CCSER1: variants seen among roughly 807,000 people sequenced by gnomAD.
The protein encoded by CCSER1 is coiled-coil serine rich protein 1.
CCSER1 carries 41 observed loss-of-function variants against 82.0 expected under a neutral mutation model. The ratio of observed to expected loss-of-function variants is 0.50; its 90% confidence interval spans 0.39 to 0.65. CCSER1 has a LOEUF of 0.65. Among genes scored for constraint, CCSER1 ranks in the 30% least tolerant of loss-of-function variants. CCSER1 has a pLI of 0.00. For synonymous variants in CCSER1, 414 were observed against 383.9 expected, an observed-to-expected ratio of 1.08 and a Z score of -0.92; for missense variants, 1,119 against 1,064.2, an observed-to-expected ratio of 1.05 and a Z score of -0.72.
Position 91,150,394 on chromosome 4 carries a change from T to A in CCSER1, c.2217+64400T>A, listed in dbSNP as rs1730046687. ...GAGACTTTGGGCTGGGATGATGGGGTTTTCTAAATATACAATCATGTCATC... is the reference window on the plus strand; with the variant it reads ...GAGACTTTGGGCTGGGATGATGGGGATTTCTAAATATACAATCATGTCATC... On this transcript the variant is annotated intron_variant, in intron 10 of 10. Coordinates refer to ENST00000509176, the MANE Select transcript of CCSER1 (RefSeq NM_001145065.2). Among the ~76,000 whole-genome samples the A allele has an allele frequency of 2.0e-5, 3 of 152,094 alleles. No individual in the cohort carries two copies. In the South Asian group the frequency reaches 6.2e-4, roughly 32 times the overall value.
At chr4:91,350,591 T>C (rs1385290521) in intron 10 of CCSER1, among the ~76,000 whole-genome samples, 3 of 152,118 alleles carry the variant, frequency 2.0e-5, no homozygotes, top group Non-Finnish European at 2.9e-5. Context: ...TTGAAGAGAT[T>C]AATTTGTTTA....
At chr4:90,329,150 A>G (rs1270394793) in intron 3 of CCSER1, among the ~76,000 whole-genome samples, 1 of 143,842 alleles carries the variant, frequency 7.0e-6, no homozygotes, top group Non-Finnish European at 1.6e-5. Context: ...TGAACAAAGT[A>G]GGAAAACTTA....
chr4:90,164,697 G>A lies in CCSER1; in HGVS notation c.-42+36866G>A, dbSNP rs567738119. 1.1e-4 allele frequency among the ~76,000 whole-genome samples: 17 copies of A among 152,220 alleles called. 1 individual carries two copies. The South Asian group carries it at 3.5e-3, about 32-fold the overall frequency. On this transcript the variant is annotated intron_variant, in intron 1 of 10. Transcript: ENST00000509176. ...CAGAAAGGGAGAGAAAAGAGAAATT[G>A]TGAAGCAGCTACTGTGTTGAATGAG... is the stretch of plus-strand genomic sequence containing the variant.
At chr4:90,450,017 A>G (rs1438315906) in intron 4 of CCSER1, among the ~76,000 whole-genome samples, 1 of 152,214 alleles carries the variant, frequency 6.6e-6, no homozygotes, top group East Asian at 1.9e-4. Flanking sequence ...CACTGTTGCT[A>G]TCAATCCCCC....
At position 91,524,863 on chromosome 4, in the gene CCSER1, T is replaced by C. The variant is rs142155698; in HGVS notation, c.2218-73709T>C. ...TAATAAGAATAACAAAGAGATCTGT[T>C]CTTATCACATAGGACATAGTATTTC... On this transcript the variant is annotated intron_variant, in intron 10 of 10. Transcript: ENST00000509176. Among the ~76,000 whole-genome samples the C allele has an allele frequency of 5.9e-5, 9 of 152,288 alleles. No homozygotes were observed. In the East Asian group the frequency reaches 1.5e-3, roughly 26 times the overall value.
At chr4:90,451,327 C>T (rs1427989119) in intron 4 of CCSER1, among the ~76,000 whole-genome samples, 2 of 152,104 alleles carry the variant, frequency 1.3e-5, no homozygotes, top group African/African-American at 4.8e-5. Context: ...GTACTGGATG[C>T]CCCTTGTCTT....
In CCSER1 at chr4:91,442,487, A is replaced by G. The variant is rs1215016187; in HGVS notation, c.2218-156085A>G. 4.4e-5 allele frequency among the ~76,000 whole-genome samples: 6 copies of G among 135,884 alleles called. No homozygotes were observed. In the East Asian group the frequency reaches 1.3e-3, roughly 29 times the overall value. The allele number at this position is 135,884 out of a possible 152,430, so 89.1% of individuals were successfully genotyped here. The stretch of plus-strand genomic sequence containing the variant: ...AAAATTAATTCAAGATGGATTAAAG[A>G]CTTAAACGTTAGACCTAAAACCATA... On this transcript the variant is annotated intron_variant, in intron 10 of 10. Coordinates refer to ENST00000509176, the MANE Select transcript of CCSER1 (RefSeq NM_001145065.2).
chr4:91,583,603 T>C (rs540258124), intron 10 of CCSER1, among the ~76,000 whole-genome samples: 4 of 151,566 alleles, frequency 2.6e-5, no homozygotes, highest in Non-Finnish European at 5.9e-5. Context: ...TATTGGGATA[T>C]GCAATAATTG....
chr4:90,776,447 G>C (rs1365251769), intron 7 of CCSER1, among the ~76,000 whole-genome samples: 1 of 152,126 alleles, frequency 6.6e-6, no homozygotes, highest in Non-Finnish European at 1.5e-5. Flanking sequence ...ACCTTGTTTT[G>C]AACACAAATC....
chr4:90,456,696 A>C (rs1478520486), intron 4 of CCSER1, among the ~76,000 whole-genome samples: 1 of 152,250 alleles, frequency 6.6e-6, no homozygotes, highest in East Asian at 1.9e-4. Flanking sequence ...TAAGTCCAGC[A>C]GCTATGCTAG....
At chr4:91,002,658 C>A (rs1294819347) in intron 9 of CCSER1, among the ~76,000 whole-genome samples, 1 of 151,900 alleles carries the variant, frequency 6.6e-6, no homozygotes, top group Non-Finnish European at 1.5e-5. Flanking sequence ...CTTCTTGTAT[C>A]TTTTTTAAAA....
chr4:90,909,821 C>A (rs527774801), intron 8 of CCSER1, among the ~76,000 whole-genome samples: 31 of 152,160 alleles, frequency 2.0e-4, no homozygotes, highest in African/African-American at 7.2e-4. Context: ...GAAACTTTGC[C>A]AGTGTTTAAA....
intron 7 of CCSER1, among the ~76,000 whole-genome samples, chr4:90,782,198 A>G (rs1261682342): frequency 6.6e-6 from 1 of 152,180 alleles, no homozygotes; most frequent in Admixed American, 6.5e-5. Context: ...TGGGTCATAG[A>G]TGGAATATAT....
At chr4:90,477,879 A>G (rs1457123759) in intron 5 of CCSER1, among the ~76,000 whole-genome samples, 20 of 152,122 alleles carry the variant, frequency 1.3e-4, no homozygotes. Flanking sequence ...GAGCATATTT[A>G]CTGTTAATAT....
chr4:90,935,258 A>G lies in CCSER1; in HGVS notation c.2172+11811A>G, dbSNP rs183284739. ...CATGAGAGAGATCTTTCATTAATAG[A>G]TTAATGCCCACCCTGGGGGTGAGTG... is the stretch of plus-strand genomic sequence containing the variant. On this transcript the variant is annotated intron_variant, in intron 9 of 10. Coordinates refer to ENST00000509176, the MANE Select transcript of CCSER1 (RefSeq NM_001145065.2). Among the ~76,000 whole-genome samples the G allele has an allele frequency of 6.6e-4, 101 of 152,028 alleles. 1 individual carries two copies. Among genetic ancestry groups the G allele is most frequent in the African/African-American group, 2.2e-3 (93 of 41,430 alleles).
chr4:91,440,014 T>A (rs879969211), intron 10 of CCSER1, among the ~76,000 whole-genome samples: 1 of 151,744 alleles, frequency 6.6e-6, no homozygotes, highest in East Asian at 1.9e-4. Context: ...GCAATAATAA[T>A]GGGAGATTTT....
chr4:91,534,297 C>G (rs1271504823), intron 10 of CCSER1, among the ~76,000 whole-genome samples: 4 of 151,966 alleles, frequency 2.6e-5, no homozygotes. Context: ...ATTGATTTTG[C>G]TAATTAAATT....
intron 6 of CCSER1, among the ~76,000 whole-genome samples, chr4:90,637,254 G>T (rs1222464199): frequency 1.3e-5 from 2 of 152,120 alleles, no homozygotes; most frequent in African/African-American, 4.8e-5. Flanking sequence ...TTCACTGCTG[G>T]TGCTCAAGAG....
At chr4:90,324,104 A>T (rs1486940877) in intron 3 of CCSER1, among the ~76,000 whole-genome samples, 1 of 149,518 alleles carries the variant, frequency 6.7e-6, no homozygotes, top group Non-Finnish European at 1.5e-5. Flanking sequence ...AGTCTTTGCT[A>T]TTGTGAATAG....
Sources: gnomAD v4.1 joint callset for allele counts (sites outside exome capture counted in the v4.1 genomes callset) on GRCh38, gnomAD v4.1.1 for gene constraint, MANE v1.5 for transcripts, NCBI Gene and HGNC (gene_info 2026-07-23, HGNC 2026-07-21) for gene names.